The following ATP8A2 variants were observed in gnomAD, a reference collection of about 807,000 sequenced individuals.
ATP8A2 encodes the protein ATPase phospholipid transporting 8A2.
Under a neutral mutation model 165.6 loss-of-function variants are expected in ATP8A2, and 100 were observed. That is an observed-to-expected ratio of 0.60 (90% CI 0.51 to 0.71). ATP8A2 has a LOEUF of 0.71. Among genes scored for constraint, ATP8A2 ranks in the 30% least tolerant of loss-of-function variants. The probability of loss-of-function intolerance (pLI) is 0.00; values close to 1 mark genes in which losing one functional copy is unlikely to be tolerated. For synonymous variants in ATP8A2, 543 were observed against 548.8 expected, an observed-to-expected ratio of 0.99 and a Z score of 0.15; for missense variants, 1,227 against 1,479.5, an observed-to-expected ratio of 0.83 and a Z score of 2.80.
At chr13:25,481,566 T>C (rs749037752) in intron 2 of ATP8A2, among the ~76,000 whole-genome samples, 2 of 152,148 alleles carry the variant, frequency 1.3e-5, no homozygotes, top group Non-Finnish European at 2.9e-5. Context: ...AAATGTGTAG[T>C]AGTAAGGAGA....
chr13:25,960,091 C>T (rs1185606684), intron 33 of ATP8A2, among the ~76,000 whole-genome samples: 1 of 152,192 alleles, frequency 6.6e-6, no homozygotes, highest in Non-Finnish European at 1.5e-5. Flanking sequence ...TGGGAAGGGG[C>T]CCAGAGGCAG....
At chr13:25,919,011 A>G (rs1041039900) in intron 33 of ATP8A2, among the ~76,000 whole-genome samples, 6 of 152,254 alleles carry the variant, frequency 3.9e-5, no homozygotes, top group Admixed American at 3.3e-4. Flanking sequence ...AAAAGTAGAT[A>G]TGAGCAACTG....
At chr13:25,703,475 A>T (rs1398462154) in intron 25 of ATP8A2, among the ~76,000 whole-genome samples, 1 of 152,236 alleles carries the variant, frequency 6.6e-6, no homozygotes, top group Non-Finnish European at 1.5e-5. Flanking sequence ...CACCCAAAAG[A>T]ATTAAAAACA....
chr13:25,574,442 G>T (rs898112226), intron 18 of ATP8A2, among the ~76,000 whole-genome samples: 3 of 152,198 alleles, frequency 2.0e-5, no homozygotes, highest in African/African-American at 7.2e-5. Flanking sequence ...TGTTACCCCA[G>T]ACCCTGCTGG....
At chr13:25,454,865 T>C (rs1189040216) in intron 1 of ATP8A2, among the ~76,000 whole-genome samples, 2 of 152,164 alleles carry the variant, frequency 1.3e-5, no homozygotes, top group African/African-American at 4.8e-5. Context: ...GAGGTTGCAG[T>C]GAGCCGAGAT....
intron 35 of ATP8A2, among the ~76,000 whole-genome samples, chr13:25,974,526 C>G (rs1195506501): frequency 6.6e-6 from 1 of 151,848 alleles, no homozygotes; most frequent in African/African-American, 2.4e-5. Flanking sequence ...TCAAGACAGC[C>G]TTTGGATTAC....
chr13:25,608,448 T>C (rs1046558412), intron 24 of ATP8A2, among the ~76,000 whole-genome samples: 3 of 152,224 alleles, frequency 2.0e-5, no homozygotes, highest in African/African-American at 7.2e-5. Flanking sequence ...TTTGTGCTGT[T>C]ATAAATTTGA....
At chr13:25,720,370 A>G (rs2043352301) in intron 25 of ATP8A2, among the ~76,000 whole-genome samples, 1 of 151,664 alleles carries the variant, frequency 6.6e-6, no homozygotes, top group South Asian at 2.1e-4. Context: ...CACCGTGTTC[A>G]CCAGGATGGT....
chr13:25,387,226 G>T (rs544079064), intron 1 of ATP8A2, among the ~76,000 whole-genome samples: 1 of 152,308 alleles, frequency 6.6e-6, no homozygotes, highest in South Asian at 2.1e-4. Context: ...CCTCAAGCTG[G>T]ATGCTTTAGC....
chr13:25,574,894 T>C, intron 19 of ATP8A2, 37 bp downstream of exon 19: 2 of 1,168,482 alleles, frequency 1.7e-6, no homozygotes, highest in Non-Finnish European at 2.5e-6. Context: ...ATAAAATAAT[T>C]ATATTTATTT....
At chr13:25,380,012 C>T (rs2032781505) in intron 1 of ATP8A2, among the ~76,000 whole-genome samples, 1 of 152,102 alleles carries the variant, frequency 6.6e-6, no homozygotes, top group Non-Finnish European at 1.5e-5. Flanking sequence ...GAGAAGGGTT[C>T]TCGGGTAAGA....
At chr13:25,933,314 T>G (rs1198243002) in intron 33 of ATP8A2, among the ~76,000 whole-genome samples, 1 of 152,236 alleles carries the variant, frequency 6.6e-6, no homozygotes, top group African/African-American at 2.4e-5. Flanking sequence ...TGGTTTTGGC[T>G]ATGCAGGATA....
intron 16 of ATP8A2, among the ~76,000 whole-genome samples, chr13:25,570,264 G>C (rs75023461): frequency 9.2e-5 from 14 of 152,116 alleles, no homozygotes; most frequent in Non-Finnish European, 1.9e-4. Context: ...TGTTTATGGG[G>C]CCTGAGGTAC....
At chr13:25,783,620 C>T (rs1425922371) in intron 27 of ATP8A2, among the ~76,000 whole-genome samples, 1 of 152,076 alleles carries the variant, frequency 6.6e-6, no homozygotes, top group Non-Finnish European at 1.5e-5. Context: ...GTAAGGGCCT[C>T]AGGATCCCAG....
chr13:25,397,342 C>T (rs1415348522), intron 1 of ATP8A2, among the ~76,000 whole-genome samples: 1 of 152,136 alleles, frequency 6.6e-6, no homozygotes, highest in Non-Finnish European at 1.5e-5. Flanking sequence ...ATTTTTCTGT[C>T]AAGTCATAAA....
At chr13:25,729,926 G>A (rs1459338921) in intron 25 of ATP8A2, among the ~76,000 whole-genome samples, 1 of 152,148 alleles carries the variant, frequency 6.6e-6, no homozygotes, top group Non-Finnish European at 1.5e-5. Flanking sequence ...ATCTGATAAT[G>A]TGCATTCTGC....
Position 25,542,020 on chromosome 13 carries a change from T to A in ATP8A2, c.753T>A (p.Thr251=), listed in dbSNP as rs778801185. 8.6e-5 allele frequency: 138 copies of A among 1,614,024 alleles called. No individual in the cohort carries two copies. The highest frequency in any genetic ancestry group is 1.1e-4 in the Non-Finnish European group (135 of 1,179,986). ...CCAACCGCCACCTCTATGACTTCAC[T>A]GGAAACTTGAACTTAGATGGGAAAA... ...EGPNRHLYDF[T]GNLNLDGKSL... Residue 251 remains threonine (T), a synonymous_variant, in exon 9 of 37, where the codon ACT becomes ACA. Transcript: ENST00000381655.
chr13:25,518,176 A>T (rs1215863107), intron 2 of ATP8A2, among the ~76,000 whole-genome samples: 2 of 152,186 alleles, frequency 1.3e-5, no homozygotes, highest in African/African-American at 4.8e-5. Context: ...CATTGAATTA[A>T]ACTGCTTAAT....
intron 25 of ATP8A2, among the ~76,000 whole-genome samples, chr13:25,703,086 G>A (rs935445780): frequency 3.3e-5 from 5 of 152,046 alleles, no homozygotes; most frequent in Non-Finnish European, 5.9e-5. Flanking sequence ...TGTTGTTTTT[G>A]TTTGTTTGTT....
Sources: allele counts gnomAD v4.1 joint callset (sites outside exome capture counted in the v4.1 genomes callset), GRCh38; gene constraint gnomAD v4.1.1; transcripts MANE v1.5; gene names NCBI Gene and HGNC (gene_info 2026-07-23, HGNC 2026-07-21).